The following XKR9 variants were observed in gnomAD, a reference collection of about 807,000 sequenced individuals.
XKR9 encodes XK-related protein 9.
In XKR9, 32 loss-of-function variants were observed where a neutral mutation model predicts 32.0. The ratio of observed to expected loss-of-function variants is 1.00; its 90% CI spans 0.76 to 1.34. The LOEUF (loss-of-function observed/expected upper bound fraction) is 1.34, where lower values mean the gene tolerates loss of function less well. XKR9 is among the 40% of genes most tolerant of loss of function. The pLI is 0.00. For missense variants in XKR9, 546 were observed against 429.7 expected, an observed-to-expected ratio of 1.27 and a Z score of -2.39; for synonymous variants, 168 against 143.4, an observed-to-expected ratio of 1.17 and a Z score of -1.22.
chr8:70,879,640 A>G, the XKR9 span, among the ~76,000 whole-genome samples: 3 of 152,268 alleles, frequency 2.0e-5, no homozygotes, highest in African/African-American at 7.2e-5. Flanking sequence ...GACCAATAAC[A>G]GGCTCTGAAA....
chr8:70,735,707 T>C lies in XKR9; in HGVS notation c.*1283T>C, dbSNP rs1806844371. The C allele has an allele frequency of 6.7e-6, 1 of 148,214 alleles. No individual in the cohort carries two copies. The highest frequency in any genetic ancestry group is 2.5e-5 in the African/African-American group (1 of 40,252). The allele number at this position is 148,214 out of a possible 1,614,324, so 9.2% of individuals were successfully genotyped here. A position where few individuals can be genotyped will look rare whatever the true frequency, so the allele number is the denominator to read the frequency against. On this transcript the variant is annotated 3_prime_UTR_variant, in exon 5 of 5. Transcript: ENST00000408926. The stretch of plus-strand genomic sequence containing the variant: ...CAGTTCCCACCTATGAGTGAGAATA[T>C]GCAGTGTTTGGTTTTTTGTTCTTGC...
chr8:70,818,855 G>A, the XKR9 span, among the ~76,000 whole-genome samples: 1 of 152,140 alleles, frequency 6.6e-6, no homozygotes, highest in African/African-American at 2.4e-5. Flanking sequence ...CCAAGTCCGT[G>A]GCCAGTCATC....
the XKR9 span, among the ~76,000 whole-genome samples, chr8:70,925,865 A>G: frequency 6.6e-6 from 1 of 152,210 alleles, no homozygotes; most frequent in African/African-American, 2.4e-5. Context: ...TATTTATAAC[A>G]AAAAGTATCT....
chr8:70,785,080 G>C (rs1460487503), intron 2 of XKR9, among the ~76,000 whole-genome samples: 2 of 151,848 alleles, frequency 1.3e-5, no homozygotes, highest in African/African-American at 4.8e-5. Context: ...CTTTGAGAAG[G>C]GTTGGTATTA....
Position 70,747,944 on chromosome 8 carries a change from A to G in XKR9, n.352+40791A>G, listed in dbSNP as rs529018382. On this transcript the variant is annotated intron_variant and non_coding_transcript_variant, in intron 2 of 3. Transcript: ENST00000520273. ...TATTGTGAAAAATCAGTGAGATACT[A>G]TATGTGATGGTGTTTTGTAGACTGT... is the stretch of plus-strand genomic sequence containing the variant. 1.4e-4 allele frequency among the ~76,000 whole-genome samples: 21 copies of G among 152,280 alleles called. No homozygotes were observed. The East Asian group carries it at 3.5e-3, about 25-fold the overall frequency.
At chr8:70,952,878 A>G in the XKR9 span, among the ~76,000 whole-genome samples, 2 of 152,220 alleles carry the variant, frequency 1.3e-5, no homozygotes, top group Admixed American at 1.3e-4. Flanking sequence ...ACTGATCTAC[A>G]GAAATTGAGA....
chr8:70,780,170 A>G (rs557110021), intron 2 of XKR9, among the ~76,000 whole-genome samples: 1 of 151,086 alleles, frequency 6.6e-6, no homozygotes, highest in African/African-American at 2.4e-5. Flanking sequence ...AGGTTTTTCA[A>G]TTTTATTGTA....
the XKR9 span, among the ~76,000 whole-genome samples, chr8:70,986,290 C>A: frequency 8.3e-3 from 1,265 of 152,238 alleles, 20 homozygotes; most frequent in Non-Finnish European, 0.013. Context: ...GCAGGGAATT[C>A]AAAAATGGAA....
intron 3 of XKR9, among the ~76,000 whole-genome samples, chr8:70,689,874 A>G (rs987458736): frequency 6.6e-6 from 1 of 152,186 alleles, no homozygotes; most frequent in Admixed American, 6.5e-5. Context: ...ATGGGTACAC[A>G]TGAAACTAAT....
At chr8:71,009,264 G>A in the XKR9 span, among the ~76,000 whole-genome samples, 2 of 152,196 alleles carry the variant, frequency 1.3e-5, no homozygotes, top group Admixed American at 6.5e-5. Context: ...TTTGAATGCG[G>A]CCCAACAGAA....
downstream of XKR9, among the ~76,000 whole-genome samples, chr8:70,740,084 G>T (rs201166365): frequency 6.6e-6 from 1 of 152,088 alleles, no homozygotes; most frequent in African/African-American, 2.4e-5. Context: ...GTTCCATTCT[G>T]CCCGTCACTT....
At chr8:70,770,303 C>T (rs973053987) in intron 2 of XKR9, among the ~76,000 whole-genome samples, 4 of 152,316 alleles carry the variant, frequency 2.6e-5, no homozygotes, top group Non-Finnish European at 1.5e-5. Context: ...CTGCCTGCTC[C>T]TTCCTCTGGA....
chr8:70,869,712 G>A, the XKR9 span, among the ~76,000 whole-genome samples: 1 of 152,270 alleles, frequency 6.6e-6, no homozygotes, highest in Non-Finnish European at 1.5e-5. Context: ...AAATGTCTTA[G>A]AACTATGTTT....
chr8:70,951,768 C>G, the XKR9 span, among the ~76,000 whole-genome samples: 1 of 152,128 alleles, frequency 6.6e-6, no homozygotes, highest in African/African-American at 2.4e-5. Flanking sequence ...GTTAAATGGA[C>G]CTACAGTTAT....
chr8:70,992,772 C>T, the XKR9 span, among the ~76,000 whole-genome samples: 1 of 152,188 alleles, frequency 6.6e-6, no homozygotes, highest in South Asian at 2.1e-4. Flanking sequence ...CTTCTTGCAG[C>T]ACTCCCACAA....
the XKR9 span, among the ~76,000 whole-genome samples, chr8:70,927,593 C>T: frequency 2.6e-5 from 4 of 152,098 alleles, no homozygotes; most frequent in African/African-American, 9.7e-5. Flanking sequence ...TATGACCTCA[C>T]ATGGCAGAAG....
chr8:70,877,703 G>T, the XKR9 span, among the ~76,000 whole-genome samples: 1 of 152,340 alleles, frequency 6.6e-6, no homozygotes, highest in East Asian at 1.9e-4. Flanking sequence ...ACCTGAAAGT[G>T]ATGGGGAGAA....
intron 2 of XKR9, among the ~76,000 whole-genome samples, chr8:70,787,283 T>G (rs1273960015): frequency 4.6e-5 from 7 of 152,174 alleles, no homozygotes; most frequent in Non-Finnish European, 7.4e-5. Context: ...CTGTTTGAAT[T>G]TTTAAATATG....
the XKR9 span, among the ~76,000 whole-genome samples, chr8:71,036,811 C>CA: frequency 6.6e-6 from 1 of 151,480 alleles, no homozygotes; most frequent in Non-Finnish European, 1.5e-5. Flanking sequence ...TCTAGACCAC[C>CA]AGATAGTTCA....
Sources: allele counts gnomAD v4.1 joint callset (sites outside exome capture counted in the v4.1 genomes callset), GRCh38; gene constraint gnomAD v4.1.1; transcripts MANE v1.5; gene names NCBI Gene and HGNC (gene_info 2026-07-23, HGNC 2026-07-21).